Variants in STXBP6 observed in about 807,000 individuals in gnomAD.
STXBP6 encodes the protein syntaxin binding protein 6, also known as syntaxin-binding protein 6.
Under a neutral mutation model 26.9 loss-of-function variants are expected in STXBP6, and 21 were observed. The observed-to-expected ratio is 0.78, with a 90% CI of 0.55 to 1.12. STXBP6 has a LOEUF of 1.12. STXBP6 is among the 50% of genes most tolerant of loss of function. The probability of loss-of-function intolerance (pLI) is 0.00; values close to 1 mark genes in which losing one functional copy is unlikely to be tolerated. For missense variants in STXBP6, 232 were observed against 257.9 expected (o/e 0.90, Z 0.69); for synonymous variants, 97 against 92.6 (o/e 1.05, Z -0.27).
At chr14:25,043,568 A>G (rs1595365034) in intron 1 of STXBP6, among the ~76,000 whole-genome samples, 6 of 152,286 alleles carry the variant, frequency 3.9e-5, no homozygotes, top group Admixed American at 3.9e-4. Context: ...TCATCACCCC[A>G]GAAAGAAACC....
chr14:24,928,907 TC>T (rs2072279894), intron 2 of STXBP6, among the ~76,000 whole-genome samples: 2 of 152,048 alleles, frequency 1.3e-5, no homozygotes, highest in Non-Finnish European at 2.9e-5. Flanking sequence ...CCAAGTAGTT[TC>T]CTTGTGTTGG....
intron 4 of STXBP6, among the ~76,000 whole-genome samples, chr14:24,847,744 T>C (rs1261699116): frequency 6.6e-6 from 1 of 152,190 alleles, no homozygotes; most frequent in Non-Finnish European, 1.5e-5. Context: ...TTCCATTCTC[T>C]TGTAAAGTTT....
intron 2 of STXBP6, among the ~76,000 whole-genome samples, chr14:24,953,754 A>G (rs1189970876): frequency 6.6e-6 from 1 of 152,244 alleles, no homozygotes; most frequent in Non-Finnish European, 1.5e-5. Flanking sequence ...ATAAATAAAC[A>G]AAAAACTATC....
chr14:24,950,877 T>C (rs1024882542), intron 2 of STXBP6, among the ~76,000 whole-genome samples: 2 of 152,170 alleles, frequency 1.3e-5, no homozygotes, highest in Non-Finnish European at 2.9e-5. Context: ...TTTCTCCCAA[T>C]GCTATCCCTC....
chr14:25,044,504 C>T (rs4522329), intron 1 of STXBP6, among the ~76,000 whole-genome samples: 25,178 of 152,170 alleles, frequency 0.17, 2,424 homozygotes, highest in African/African-American at 0.26. Context: ...CGTCCAGTTC[C>T]AGGCACCCCT....
chr14:24,835,457 G>A (rs2068583595), intron 4 of STXBP6, among the ~76,000 whole-genome samples: 4 of 152,132 alleles, frequency 2.6e-5, no homozygotes, highest in Admixed American at 2.6e-4. Flanking sequence ...AACAAATCAA[G>A]TCAATGACAT....
intron 2 of STXBP6, among the ~76,000 whole-genome samples, chr14:24,877,994 T>G (rs993831923): frequency 6.6e-6 from 1 of 152,152 alleles, no homozygotes; most frequent in South Asian, 2.1e-4. Flanking sequence ...TGCATTTGTC[T>G]TATTATTGGT....
At chr14:24,890,400 A>G (rs1241627) in intron 2 of STXBP6, among the ~76,000 whole-genome samples, 55,467 of 152,016 alleles carry the variant, frequency 0.36, 10,324 homozygotes, top group East Asian at 0.43. Context: ...TCTGAATAAC[A>G]AAGTACCGAA....
At chr14:24,866,775 C>A (rs1458896364) in intron 2 of STXBP6, among the ~76,000 whole-genome samples, 1 of 151,396 alleles carries the variant, frequency 6.6e-6, no homozygotes, top group East Asian at 2.0e-4. Flanking sequence ...TTCCAGTGGA[C>A]AGACATACCA....
intron 1 of STXBP6, among the ~76,000 whole-genome samples, chr14:25,007,937 C>G (rs140676650): frequency 1.5e-4 from 23 of 152,300 alleles, no homozygotes; most frequent in Non-Finnish European, 2.8e-4. Flanking sequence ...GGACTGGACA[C>G]GCTTCTGCTA....
At chr14:24,872,612 CCT>C (rs1379273677) in intron 2 of STXBP6, among the ~76,000 whole-genome samples, 1 of 152,194 alleles carries the variant, frequency 6.6e-6, no homozygotes, top group South Asian at 2.1e-4. Context: ...AGAGTGAATG[CCT>C]CTCTCCTATA....
At chr14:25,034,998 A>G (rs2075525646) in intron 1 of STXBP6, among the ~76,000 whole-genome samples, 1 of 152,016 alleles carries the variant, frequency 6.6e-6, no homozygotes, top group South Asian at 2.1e-4. Context: ...TACAAATACA[A>G]AAATTAGTTG....
chr14:24,876,153 T>A (rs902863067), intron 2 of STXBP6, among the ~76,000 whole-genome samples: 1 of 152,118 alleles, frequency 6.6e-6, no homozygotes, highest in Non-Finnish European at 1.5e-5. Context: ...AAACTACCCT[T>A]GTGCTTCCAT....
At chr14:24,935,748 T>C (rs2072572346) in intron 2 of STXBP6, among the ~76,000 whole-genome samples, 1 of 152,228 alleles carries the variant, frequency 6.6e-6, no homozygotes, top group Admixed American at 6.5e-5. Context: ...GATTGCTTTT[T>C]CTTTGACTTC....
At chr14:24,859,626 T>C (rs926343945) in intron 2 of STXBP6, among the ~76,000 whole-genome samples, 13 of 152,146 alleles carry the variant, frequency 8.5e-5, no homozygotes, top group Non-Finnish European at 1.8e-4. Flanking sequence ...GTGATTCACC[T>C]TCTCTTTCCA....
At chr14:24,951,819 T>C (rs529180741) in intron 2 of STXBP6, among the ~76,000 whole-genome samples, 3 of 152,218 alleles carry the variant, frequency 2.0e-5, no homozygotes, top group Non-Finnish European at 4.4e-5. Flanking sequence ...TTTTAATCCT[T>C]CTGGTGTATA....
chr14:24,928,915 T>C (rs373956369), intron 2 of STXBP6, among the ~76,000 whole-genome samples: 2 of 151,844 alleles, frequency 1.3e-5, no homozygotes, highest in East Asian at 1.9e-4. Flanking sequence ...TTTCCTTGTG[T>C]TGGAAATTTC....
chr14:24,974,382 C>A (rs544832547), intron 2 of STXBP6, among the ~76,000 whole-genome samples: 1 of 152,312 alleles, frequency 6.6e-6, no homozygotes, highest in Admixed American at 6.5e-5. Flanking sequence ...CTGTCAGTGT[C>A]CCCGTGAGGG....
intron 1 of STXBP6, among the ~76,000 whole-genome samples, chr14:25,002,143 G>A (rs2074774574): frequency 6.6e-6 from 1 of 151,966 alleles, no homozygotes; most frequent in African/African-American, 2.4e-5. Context: ...TACTTCATGA[G>A]GACATTCTCT....
Sources: allele counts gnomAD v4.1 joint callset (sites outside exome capture counted in the v4.1 genomes callset), GRCh38; gene constraint gnomAD v4.1.1; transcripts MANE v1.5; gene names NCBI Gene and HGNC (gene_info 2026-07-23, HGNC 2026-07-21).